Variants in BNC2 observed in about 807,000 individuals in gnomAD.
BNC2 encodes zinc finger protein basonuclin-2.
Under a neutral mutation model 76.3 loss-of-function variants are expected in BNC2, and 20 were observed. The observed-to-expected ratio is 0.26, with a 90% CI of 0.18 to 0.38. BNC2 has a LOEUF of 0.38. BNC2 is among the 10% of genes least tolerant of loss of function. BNC2 has a pLI of 1.00. For missense variants in BNC2, 1,382 were observed against 1,399.8 expected (o/e 0.99, Z 0.20); for synonymous variants, 582 against 514.8 (o/e 1.13, Z -1.77).
chr9:16,788,373 G>A (rs1425362836), intron 1 of BNC2, among the ~76,000 whole-genome samples: 1 of 151,820 alleles, frequency 6.6e-6, no homozygotes, highest in African/African-American at 2.4e-5. Context: ...CTAACATGGT[G>A]AAACCCCGTC....
At chr9:16,580,277 G>C (rs1819597365) in intron 4 of BNC2, 1 of 397,468 alleles carries the variant, frequency 2.5e-6, no homozygotes, top group Non-Finnish European at 4.4e-6. Context: ...CTCATGAATG[G>C]GGAGAGTGTG....
chr9:16,617,622 C>T (rs182789861), intron 3 of BNC2, among the ~76,000 whole-genome samples: 1 of 151,780 alleles, frequency 6.6e-6, no homozygotes, highest in African/African-American at 2.4e-5. Context: ...TTTAGTAAAA[C>T]CTTGGGGCCT....
intron 3 of BNC2, among the ~76,000 whole-genome samples, chr9:16,638,242 C>T (rs1821385457): frequency 6.6e-6 from 1 of 152,132 alleles, no homozygotes; most frequent in South Asian, 2.1e-4. Flanking sequence ...CATTTCCTAT[C>T]TCATCTGAAA....
At chr9:16,454,678 A>T (rs1433054038) in intron 5 of BNC2, among the ~76,000 whole-genome samples, 1 of 152,206 alleles carries the variant, frequency 6.6e-6, no homozygotes, top group Non-Finnish European at 1.5e-5. Context: ...TGTAAACTCA[A>T]CTACCTTCTT....
intron 5 of BNC2, among the ~76,000 whole-genome samples, chr9:16,490,274 A>C (rs926561012): frequency 6.6e-6 from 1 of 152,146 alleles, no homozygotes; most frequent in East Asian, 1.9e-4. Context: ...TGGCAGCCGC[A>C]AGAGAAAATG....
chr9:16,493,683 G>A (rs1371347613), intron 5 of BNC2, among the ~76,000 whole-genome samples: 1 of 152,204 alleles, frequency 6.6e-6, no homozygotes, highest in Non-Finnish European at 1.5e-5. Flanking sequence ...TAGGCAAAAG[G>A]ATAAAAGTAA....
chr9:16,480,980 T>C (rs1587078440), intron 5 of BNC2, among the ~76,000 whole-genome samples: 1 of 152,118 alleles, frequency 6.6e-6, no homozygotes, highest in Non-Finnish European at 1.5e-5. Context: ...CTGAGTCTGG[T>C]AGGGAAGTGA....
At chr9:16,629,264 T>C (rs1821090998) in intron 3 of BNC2, among the ~76,000 whole-genome samples, 1 of 152,212 alleles carries the variant, frequency 6.6e-6, no homozygotes, top group South Asian at 2.1e-4. Flanking sequence ...TATATTAACA[T>C]CACATCTTTT....
intron 5 of BNC2, among the ~76,000 whole-genome samples, chr9:16,546,076 T>A (rs892282189): frequency 6.6e-6 from 1 of 152,196 alleles, no homozygotes; most frequent in Non-Finnish European, 1.5e-5. Context: ...ACATTTGGCA[T>A]TGGTAGAGAA....
intron 1 of BNC2, among the ~76,000 whole-genome samples, chr9:16,769,591 G>A (rs966017239): frequency 4.6e-5 from 7 of 152,268 alleles, no homozygotes; most frequent in African/African-American, 1.4e-4. Flanking sequence ...CAAAGGCCAC[G>A]GACCTGGGAA....
intron 2 of BNC2, 91 bp from the exon 3 acceptor site, chr9:16,728,088 T>G: frequency 1.2e-6 from 1 of 813,406 alleles, no homozygotes; most frequent in Non-Finnish European, 1.9e-6. Context: ...GTGCATTTCA[T>G]TTGGGAAGGG....
chr9:16,648,078 T>C (rs1821686263), intron 3 of BNC2, among the ~76,000 whole-genome samples: 1 of 151,958 alleles, frequency 6.6e-6, no homozygotes, highest in African/African-American at 2.4e-5. Context: ...ATAAAATATG[T>C]GTGTGTGTGT....
intron 4 of BNC2, among the ~76,000 whole-genome samples, chr9:16,560,881 C>G (rs1324259366): frequency 1.3e-5 from 2 of 152,340 alleles, no homozygotes; most frequent in African/African-American, 4.8e-5. Flanking sequence ...CTGGATGAAC[C>G]TTGGCCACAG....
At chr9:16,760,134 TC>T (rs1489353095) in intron 1 of BNC2, among the ~76,000 whole-genome samples, 2 of 152,050 alleles carry the variant, frequency 1.3e-5, no homozygotes, top group Non-Finnish European at 2.9e-5. Flanking sequence ...CAGGAGAGGG[TC>T]CTATCAAAGA....
intron 6 of BNC2, among the ~76,000 whole-genome samples, 167 bp downstream of exon 6, chr9:16,435,388 A>G (rs968328535): frequency 2.0e-5 from 3 of 152,194 alleles, no homozygotes; most frequent in African/African-American, 7.2e-5. Flanking sequence ...ACCAACTGCA[A>G]CAATCCTTCA....
At chr9:16,738,624 T>C in intron 1 of BNC2, 139 bp from the exon 2 acceptor site, 1 of 971,248 alleles carries the variant, frequency 1.0e-6, no homozygotes, top group African/African-American at 1.6e-5. Flanking sequence ...GTTAATAGTT[T>C]CTAAGGCTGA....
chr9:16,837,612 G>T (rs1279661462), intron 1 of BNC2, among the ~76,000 whole-genome samples: 1 of 152,156 alleles, frequency 6.6e-6, no homozygotes, highest in Non-Finnish European at 1.5e-5. Flanking sequence ...TGAAGAGGAG[G>T]TTCTCAAATT....
chr9:16,853,880 T>C (rs2136170913), intron 1 of BNC2, among the ~76,000 whole-genome samples: 1 of 152,230 alleles, frequency 6.6e-6, no homozygotes, highest in African/African-American at 2.4e-5. Flanking sequence ...AAAAATAAAA[T>C]AAAATAAAAT....
At chr9:16,487,067 C>T (rs1002813798) in intron 5 of BNC2, among the ~76,000 whole-genome samples, 3 of 152,202 alleles carry the variant, frequency 2.0e-5, no homozygotes, top group Admixed American at 1.3e-4. Context: ...AGAAGTGACA[C>T]TTTCTATATT....
Sources: allele counts gnomAD v4.1 joint callset (sites outside exome capture counted in the v4.1 genomes callset), GRCh38; gene constraint gnomAD v4.1.1; transcripts MANE v1.5; gene names NCBI Gene and HGNC (gene_info 2026-07-23, HGNC 2026-07-21).